The following UNC80 variants were observed in gnomAD, a reference collection of about 807,000 sequenced individuals.
UNC80 encodes unc-80 subunit of NALCN channel complex.
In UNC80, 164 loss-of-function variants were observed where a neutral mutation model predicts 384.6. The ratio of observed to expected loss-of-function variants is 0.43; its 90% confidence interval spans 0.38 to 0.49. The LOEUF (loss-of-function observed/expected upper bound fraction) is 0.49, where lower values mean the gene tolerates loss of function less well. Ranked by LOEUF, UNC80 falls within the 20% of genes least tolerant of loss-of-function variation. The pLI is 0.00. For missense variants in UNC80, 3,330 were observed against 4,143.0 expected (o/e 0.80, Z 5.39); for synonymous variants, 1,486 against 1,527.8 (o/e 0.97, Z 0.64).
At chr2:209,988,122 G>A (rs972761832) in intron 61 of UNC80, among the ~76,000 whole-genome samples, 3 of 152,102 alleles carry the variant, frequency 2.0e-5, no homozygotes, top group African/African-American at 7.2e-5. Flanking sequence ...TTGAGAAAAG[G>A]GGAAGTAGGA....
At chr2:209,825,442 T>C (rs1309850222) in intron 13 of UNC80, among the ~76,000 whole-genome samples, 1 of 152,156 alleles carries the variant, frequency 6.6e-6, no homozygotes, top group Non-Finnish European at 1.5e-5. Context: ...ATAAAAGCCC[T>C]CAAAAATGTC....
chr2:209,831,790 C>A (rs1301399183), intron 16 of UNC80, among the ~76,000 whole-genome samples, 199 bp downstream of exon 16: 3 of 152,128 alleles, frequency 2.0e-5, no homozygotes, highest in African/African-American at 7.2e-5. Flanking sequence ...ACTCATTATC[C>A]TATTTGCAAA....
intron 58 of UNC80, among the ~76,000 whole-genome samples, chr2:209,977,521 G>A (rs539100155): frequency 9.2e-5 from 14 of 152,248 alleles, no homozygotes; most frequent in African/African-American, 3.1e-4. Flanking sequence ...GAAAGTCCCT[G>A]TAAAAAATGA....
intron 56 of UNC80, among the ~76,000 whole-genome samples, chr2:209,975,797 G>A (rs1432718429): frequency 6.6e-6 from 1 of 152,142 alleles, no homozygotes; most frequent in Non-Finnish European, 1.5e-5. Flanking sequence ...TAAAACGTTA[G>A]CCACACATCA....
At chr2:209,885,805 G>C (rs2085746944) in intron 25 of UNC80, among the ~76,000 whole-genome samples, 1 of 150,644 alleles carries the variant, frequency 6.6e-6, no homozygotes. Flanking sequence ...GCCCAGGCTG[G>C]AGTGCAGTGG....
intron 31 of UNC80, among the ~76,000 whole-genome samples, chr2:209,915,993 T>A (rs1202795913): frequency 6.6e-6 from 1 of 152,238 alleles, no homozygotes; most frequent in Non-Finnish European, 1.5e-5. Flanking sequence ...GTACTCCATG[T>A]GTACAAATAT....
At chr2:209,857,537 T>A (rs1031122152) in intron 22 of UNC80, among the ~76,000 whole-genome samples, 4 of 152,176 alleles carry the variant, frequency 2.6e-5, no homozygotes, top group Non-Finnish European at 4.4e-5. Flanking sequence ...TTCATTTTTT[T>A]AATCTTTCTA....
chr2:209,922,724 A>G (rs1043890552), intron 35 of UNC80, among the ~76,000 whole-genome samples: 2 of 152,222 alleles, frequency 1.3e-5, no homozygotes, highest in Non-Finnish European at 2.9e-5. Flanking sequence ...AGACCAAATC[A>G]AAATCTCTGA....
chr2:209,943,792 C>T (rs961673779), intron 45 of UNC80, among the ~76,000 whole-genome samples: 1 of 152,156 alleles, frequency 6.6e-6, no homozygotes, highest in Admixed American at 6.5e-5. Flanking sequence ...TGGGCTTTCT[C>T]TGGTTGGTCC....
chr2:209,883,676 G>A (rs867064354), intron 25 of UNC80, among the ~76,000 whole-genome samples: 106 of 151,892 alleles, frequency 7.0e-4, no homozygotes, highest in African/African-American at 2.4e-3. Flanking sequence ...CTCATGATCC[G>A]CCTGCCTTGG....
intron 6 of UNC80, among the ~76,000 whole-genome samples, chr2:209,793,070 T>G (rs1990452): frequency 0.49 from 74,802 of 152,060 alleles, 20,543 homozygotes; most frequent in Admixed American, 0.6. Context: ...CCAGATAGAT[T>G]GTTGAGGGTC....
At chr2:209,851,416 G>A (rs2082521061) in intron 22 of UNC80, among the ~76,000 whole-genome samples, 1 of 152,126 alleles carries the variant, frequency 6.6e-6, no homozygotes, top group South Asian at 2.1e-4. Context: ...CGGGGAGGGA[G>A]AGTAGCAGTT....
At chr2:209,941,073 A>G (rs1194505165) in intron 43 of UNC80, 148 bp from the exon 44 acceptor site, 4 of 1,014,704 alleles carry the variant, frequency 3.9e-6, no homozygotes, top group Non-Finnish European at 5.4e-6. Flanking sequence ...GGCCAGTAAT[A>G]TTGTGCTGGA....
In UNC80 at chr2:209,777,331, C is replaced by T; in HGVS notation, c.372C>T (p.Pro124=). 1.2e-6 allele frequency: 2 copies of T among 1,614,148 alleles called. No individual in the cohort carries two copies. The highest frequency in any genetic ancestry group is 1.3e-5 in the African/African-American group (1 of 75,040). ...TACACTGGATGCTTCTGGAGGCCCCCCAGGACTGCAACAATGAGCGGTTTG... is the reference window on the plus strand; with the variant it reads ...TACACTGGATGCTTCTGGAGGCCCCTCAGGACTGCAACAATGAGCGGTTTG... ...HTLHWMLLEA[P]QDCNNERFGG... Residue 124 remains proline (P), a synonymous_variant, in exon 4 of 65, where the codon CCC becomes CCT. Coordinates refer to ENST00000673920, the MANE Select transcript of UNC80 (RefSeq NM_001371986.1).
chr2:209,848,238 T>C (rs1397354980), intron 21 of UNC80, among the ~76,000 whole-genome samples: 2 of 152,066 alleles, frequency 1.3e-5, no homozygotes, highest in African/African-American at 2.4e-5. Flanking sequence ...GATTTTGTCT[T>C]TTGAATTTTT....
At chr2:209,836,150 CT>C (rs1559170411) in intron 18 of UNC80, among the ~76,000 whole-genome samples, 1 of 152,148 alleles carries the variant, frequency 6.6e-6, no homozygotes, top group Non-Finnish European at 1.5e-5. Flanking sequence ...TATTATTAAG[CT>C]TTTGTTTTCT....
intron 22 of UNC80, among the ~76,000 whole-genome samples, chr2:209,856,837 G>C (rs1175897774): frequency 6.6e-6 from 1 of 151,738 alleles, no homozygotes; most frequent in Non-Finnish European, 1.5e-5. Flanking sequence ...GCCCAGGCTG[G>C]AGTGCAGTGG....
In UNC80 at chr2:209,789,745, C is replaced by T. The variant is rs2077675230; in HGVS notation, c.798+140C>T. On this transcript the variant is annotated intron_variant, in intron 6 of 64. Coordinates refer to ENST00000673920, the MANE Select transcript of UNC80 (RefSeq NM_001371986.1). ...TTTCTGAATGTGCAACTTTTAACAG[C>T]TTCAGGTTTTTTATCAGTCGTATGA... The T allele has an allele frequency of 7.0e-6, 4 of 575,124 alleles. No individual in the cohort carries two copies. The East Asian group carries it at 1.2e-4, about 17-fold the overall frequency. The allele number at this position is 575,124 out of a possible 1,614,324, so 35.6% of individuals were successfully genotyped here.
Position 209,772,143 on chromosome 2 carries a change from C to A in UNC80, c.71C>A (p.Thr24Asn), listed in dbSNP as rs1004014760. ...CGCGGCATCCCCCTGCCCATCCAGACCTTCCTGTGGCGGCAAACCAGGTGA... is the reference window on the plus strand; with the variant it reads ...CGCGGCATCCCCCTGCCCATCCAGAACTTCCTGTGGCGGCAAACCAGGTGA... ...GGRGIPLPIQTFLWRQTSAFL... is the reference protein window; with the variant it reads ...GGRGIPLPIQNFLWRQTSAFL... Residue 24 changes from threonine (T) to asparagine (N), a missense_variant, in exon 1 of 65, where the codon ACC becomes AAC. Physicochemically the swap from Thr to Asn is moderately conservative, Grantham distance 65. Around this residue, in one of 8 missense-constraint regions of UNC80, gnomAD observed 86 missense variants for 141.5 expected, o/e 0.61. Coordinates refer to ENST00000673920, the MANE Select transcript of UNC80 (RefSeq NM_001371986.1). 1.9e-6 allele frequency: 3 copies of A among 1,547,210 alleles called. No individual in the cohort carries two copies. The African/African-American group carries it at 4.1e-5, about 21-fold the overall frequency.
Sources: allele counts gnomAD v4.1 joint callset (sites outside exome capture counted in the v4.1 genomes callset), GRCh38; gene constraint gnomAD v4.1.1; regional missense constraint gnomAD v4.1.1; transcripts MANE v1.5; gene names NCBI Gene and HGNC (gene_info 2026-07-23, HGNC 2026-07-21).